Variants in GLIS3 observed in about 807,000 individuals in gnomAD.
The protein encoded by GLIS3 is GLIS family zinc finger 3, also known as zinc finger protein GLIS3.
A neutral mutation model predicts 78.6 loss-of-function variants in GLIS3; 53 were observed. The ratio of observed to expected loss-of-function variants is 0.67; its 90% confidence interval spans 0.54 to 0.85. The LOEUF (loss-of-function observed/expected upper bound fraction) is 0.85, where lower values mean the gene tolerates loss of function less well. Among genes scored for constraint, GLIS3 ranks in the 40% least tolerant of loss-of-function variants. GLIS3 has a pLI of 0.00. For missense variants in GLIS3, 1,703 were observed against 1,231.1 expected (o/e 1.38, Z -5.74); for synonymous variants, 684 against 509.9 (o/e 1.34, Z -4.60).
chr9:4,116,940 C>A (rs1253346493), intron 4 of GLIS3, among the ~76,000 whole-genome samples: 1 of 152,000 alleles, frequency 6.6e-6, no homozygotes, highest in African/African-American at 2.4e-5. Context: ...GTTTATAAAC[C>A]CTGAGGGTTT....
intron 6 of GLIS3, among the ~76,000 whole-genome samples, chr9:3,920,790 C>T (rs1588230550): frequency 2.0e-5 from 3 of 152,062 alleles, no homozygotes; most frequent in African/African-American, 2.4e-5. Flanking sequence ...TCAAAGTCTA[C>T]GATGGGTAAA....
intron 4 of GLIS3, chr9:4,071,763 T>C (rs1414908893): frequency 6.6e-6 from 1 of 152,234 alleles, no homozygotes; most frequent in African/African-American, 2.4e-5. Flanking sequence ...ACACAATTTC[T>C]AATTTGCCAT....
At position 4,244,381 on chromosome 9, in the gene GLIS3, G is replaced by A. The variant is rs557991322; in HGVS notation, c.388+41657C>T. Reference sequence around the variant, plus strand: ...TTTGTTCCCAAACCTGTTAATGTCAGACATGCTTATGACAGGCGTATGCTG... The same window carrying A: ...TTTGTTCCCAAACCTGTTAATGTCAAACATGCTTATGACAGGCGTATGCTG... On this transcript the variant is annotated intron_variant, in intron 2 of 10. Transcript: ENST00000381971. Among the ~76,000 whole-genome samples the A allele has an allele frequency of 9.9e-5, 15 of 152,282 alleles. No individual in the cohort carries two copies. In the East Asian group the frequency reaches 2.9e-3, roughly 29 times the overall value.
chr9:3,907,485 C>G (rs1326559370), intron 6 of GLIS3, among the ~76,000 whole-genome samples: 3 of 152,090 alleles, frequency 2.0e-5, no homozygotes, highest in African/African-American at 7.2e-5. Context: ...TACTGATGCC[C>G]CACCCAGCGC....
At chr9:4,451,221 G>T in the GLIS3 span, among the ~76,000 whole-genome samples, 126 of 152,120 alleles carry the variant, frequency 8.3e-4, no homozygotes, top group African/African-American at 2.8e-3. Context: ...AAAACAGACT[G>T]CAAACCAACA....
intron 4 of GLIS3, among the ~76,000 whole-genome samples, chr9:4,113,983 T>C (rs1831425405): frequency 6.6e-6 from 1 of 151,262 alleles, no homozygotes; most frequent in East Asian, 2.0e-4. Flanking sequence ...TTGGATAAAA[T>C]TCATCCAGGA....
chr9:4,455,573 T>A, the GLIS3 span, among the ~76,000 whole-genome samples: 1 of 152,176 alleles, frequency 6.6e-6, no homozygotes, highest in South Asian at 2.1e-4. Flanking sequence ...GCCTCTAACA[T>A]TCTTTCCAAA....
At chr9:4,291,544 G>A (rs1018229401) in intron 1 of GLIS3, among the ~76,000 whole-genome samples, 1 of 151,786 alleles carries the variant, frequency 6.6e-6, no homozygotes, top group Non-Finnish European at 1.5e-5. Flanking sequence ...TAAATTAATG[G>A]CTATGACATT....
At chr9:4,310,316 C>A (rs751697125) in intron 3 of GLIS3, 1 of 152,132 alleles carries the variant, frequency 6.6e-6, no homozygotes, top group African/African-American at 2.4e-5. Flanking sequence ...TATAATCCCT[C>A]TTCTATACTG....
chr9:3,984,847 C>T (rs1300140318), intron 4 of GLIS3, among the ~76,000 whole-genome samples: 1 of 152,054 alleles, frequency 6.6e-6, no homozygotes, highest in Admixed American at 6.6e-5. Context: ...GCACTGTTCT[C>T]GTAATAGTGA....
intron 4 of GLIS3, among the ~76,000 whole-genome samples, chr9:3,980,716 G>A (rs1819194524): frequency 6.6e-6 from 1 of 152,202 alleles, no homozygotes; most frequent in Non-Finnish European, 1.5e-5. Context: ...TAAATACAAG[G>A]TAAAGGTTTT....
chr9:3,985,549 C>A (rs7850708), intron 4 of GLIS3, among the ~76,000 whole-genome samples: 11,479 of 152,194 alleles, frequency 0.075, 486 homozygotes, highest in African/African-American at 0.11. Flanking sequence ...AATATTTGGG[C>A]CCAGAAAGCA....
chr9:4,296,239 G>T (rs777375884), intron 1 of GLIS3, among the ~76,000 whole-genome samples: 3 of 147,816 alleles, frequency 2.0e-5, no homozygotes, highest in Non-Finnish European at 4.5e-5. Context: ...GACAACAGTG[G>T]AAAGAATGAA....
chr9:4,078,448 TAAC>T, intron 4 of GLIS3, among the ~76,000 whole-genome samples: 1 of 152,152 alleles, frequency 6.6e-6, no homozygotes, highest in East Asian at 1.9e-4. Context: ...TCTGATTCTG[TAAC>T]AATATAATTC....
intron 2 of GLIS3, among the ~76,000 whole-genome samples, chr9:4,138,950 A>G (rs1479619237): frequency 6.6e-6 from 1 of 152,220 alleles, no homozygotes; most frequent in African/African-American, 2.4e-5. Context: ...GAGCAAGAAG[A>G]TAACAGTCTA....
At chr9:4,324,158 A>C (rs1156522594) in intron 2 of GLIS3, among the ~76,000 whole-genome samples, 1 of 152,178 alleles carries the variant, frequency 6.6e-6, no homozygotes, top group Non-Finnish European at 1.5e-5. Flanking sequence ...TGTGTTCCCT[A>C]AACTGTGCAT....
chr9:4,385,116 G>T, the GLIS3 span, among the ~76,000 whole-genome samples: 20 of 152,314 alleles, frequency 1.3e-4, no homozygotes, highest in East Asian at 3.7e-3. Context: ...ACACTCCTCA[G>T]AACAGTTTAC....
the GLIS3 span, among the ~76,000 whole-genome samples, chr9:4,474,979 A>G: frequency 7.4e-6 from 1 of 135,408 alleles, no homozygotes; most frequent in Non-Finnish European, 1.5e-5. Context: ...AAATTGGACT[A>G]TGTTAATTTT....
the GLIS3 span, among the ~76,000 whole-genome samples, chr9:4,415,071 G>C: frequency 3.9e-5 from 6 of 152,210 alleles, no homozygotes; most frequent in Non-Finnish European, 7.4e-5. Flanking sequence ...CTCAACTTAG[G>C]TTTTCTTTGA....
Sources: allele counts gnomAD v4.1 joint callset (sites outside exome capture counted in the v4.1 genomes callset), GRCh38; gene constraint gnomAD v4.1.1; transcripts MANE v1.5; gene names NCBI Gene and HGNC (gene_info 2026-07-23, HGNC 2026-07-21).